The following MTHFD1L variants were observed in gnomAD, a reference collection of about 807,000 sequenced individuals.
The protein encoded by MTHFD1L is methylenetetrahydrofolate dehydrogenase (NADP+ dependent) 1 like.
A neutral mutation model predicts 119.5 loss-of-function variants in MTHFD1L; 81 were observed. The ratio of observed to expected loss-of-function variants is 0.68; its 90% CI spans 0.57 to 0.82. MTHFD1L has a LOEUF of 0.82. Ranked by LOEUF, MTHFD1L falls within the 40% of genes least tolerant of loss-of-function variation. The probability of loss-of-function intolerance (pLI) is 0.00; values close to 1 mark genes in which losing one functional copy is unlikely to be tolerated. For synonymous variants in MTHFD1L, 430 were observed against 475.2 expected (o/e 0.90, Z 1.24); for missense variants, 1,125 against 1,253.4 (o/e 0.90, Z 1.55).
intron 7 of MTHFD1L, among the ~76,000 whole-genome samples, chr6:150,896,010 G>A (rs891711290): frequency 5.9e-5 from 9 of 152,146 alleles, no homozygotes; most frequent in African/African-American, 2.2e-4. Context: ...AGGCAGGACT[G>A]TCATCCTCCC....
intron 26 of MTHFD1L, among the ~76,000 whole-genome samples, chr6:151,041,622 C>T (rs1353953482): frequency 2.6e-5 from 4 of 152,230 alleles, no homozygotes; most frequent in African/African-American, 4.8e-5. Context: ...TAAATGCCTA[C>T]AGCACGCAGG....
intron 15 of MTHFD1L, among the ~76,000 whole-genome samples, chr6:150,948,494 A>G (rs1250968340): frequency 6.9e-6 from 1 of 144,716 alleles, no homozygotes; most frequent in Admixed American, 6.9e-5. Flanking sequence ...TAATTTTTTT[A>G]TGTATTTTTA....
At chr6:150,978,615 G>A (rs770970027) in intron 20 of MTHFD1L, among the ~76,000 whole-genome samples, 12 of 152,160 alleles carry the variant, frequency 7.9e-5, no homozygotes, top group Admixed American at 5.2e-4. Flanking sequence ...AATTGAATGG[G>A]ATTGGGAAAC....
chr6:150,981,325 A>T (rs548462156), intron 20 of MTHFD1L, among the ~76,000 whole-genome samples: 21 of 152,306 alleles, frequency 1.4e-4, no homozygotes, highest in African/African-American at 4.8e-4. Flanking sequence ...ACTATTGTTG[A>T]AGCAGTGAAA....
intron 16 of MTHFD1L, among the ~76,000 whole-genome samples, chr6:150,949,859 A>G (rs547278983): frequency 5.9e-5 from 9 of 152,256 alleles, no homozygotes; most frequent in East Asian, 1.9e-4. Context: ...GGTCGCATGC[A>G]TGTTCTTGGC....
chr6:150,927,637 A>T (rs1161241634), intron 11 of MTHFD1L, among the ~76,000 whole-genome samples: 2 of 151,890 alleles, frequency 1.3e-5, no homozygotes, highest in African/African-American at 4.8e-5. Context: ...TTGTATTTTT[A>T]GTCGAGATGG....
intron 17 of MTHFD1L, 79 bp from the exon 18 acceptor site, chr6:150,960,196 G>C (rs981407828): frequency 8.6e-5 from 130 of 1,511,908 alleles, no homozygotes; most frequent in Non-Finnish European, 1.1e-4. Flanking sequence ...TTGCTTCATG[G>C]CTGAAGTCCA....
At chr6:150,866,188 G>C in intron 1 of MTHFD1L, 139 bp downstream of exon 1, 2 of 1,361,092 alleles carry the variant, frequency 1.5e-6, no homozygotes, top group South Asian at 3.0e-5. Context: ...GGGCCGGGCG[G>C]TGTGTCGGGA....
Position 150,874,831 on chromosome 6 carries a change from C to T in MTHFD1L, c.228-1259C>T, listed in dbSNP as rs578212343. The stretch of plus-strand genomic sequence containing the variant: ...AGGCTGGAGTGCGGTGGCACAATCT[C>T]GGCTCACTGCAACCTCTGCCTCCCA... On this transcript the variant is annotated intron_variant, in intron 1 of 27. Coordinates refer to ENST00000367321, the MANE Select transcript of MTHFD1L (RefSeq NM_015440.5). 3.0e-4 allele frequency among the ~76,000 whole-genome samples: 45 copies of T among 149,232 alleles called. 2 individuals are homozygous for T. The East Asian group carries it at 9.1e-3, about 30-fold the overall frequency.
intron 24 of MTHFD1L, among the ~76,000 whole-genome samples, chr6:151,029,496 G>T (rs1015328675): frequency 1.4e-5 from 2 of 147,076 alleles, no homozygotes; most frequent in Non-Finnish European, 3.0e-5. Context: ...ACATTTTCGT[G>T]TTTAAAAATA....
chr6:150,916,463 G>GC (rs530769142), intron 8 of MTHFD1L, among the ~76,000 whole-genome samples: 1,413 of 82,060 alleles, frequency 0.017, 21 homozygotes, highest in Non-Finnish European at 0.023. Context: ...ACCACGCCCA[G>GC]CTAATTTTTT....
intron 20 of MTHFD1L, among the ~76,000 whole-genome samples, chr6:150,997,526 C>T (rs553998012): frequency 6.6e-6 from 1 of 152,256 alleles, no homozygotes; most frequent in South Asian, 2.1e-4. Flanking sequence ...CGGTGTCTCA[C>T]ACCTGTAATC....
chr6:150,890,869 A>G (rs933829145), intron 7 of MTHFD1L, among the ~76,000 whole-genome samples: 1 of 152,238 alleles, frequency 6.6e-6, no homozygotes, highest in African/African-American at 2.4e-5. Flanking sequence ...GAAAGGATAA[A>G]TCAGTATAGT....
At chr6:151,022,056 G>T (rs1485846473) in intron 24 of MTHFD1L, 6 of 471,156 alleles carry the variant, frequency 1.3e-5, no homozygotes, top group Non-Finnish European at 2.6e-5. Context: ...GTGGGGGCTG[G>T]ATGAAGGAAG....
intron 24 of MTHFD1L, among the ~76,000 whole-genome samples, chr6:151,029,101 C>T (rs1258490254): frequency 2.0e-5 from 3 of 152,030 alleles, no homozygotes; most frequent in Middle Eastern, 3.4e-3. Context: ...GTTATGTGTA[C>T]GTTACCAAAA....
intron 10 of MTHFD1L, among the ~76,000 whole-genome samples, chr6:150,923,313 G>A (rs913405001): frequency 4.6e-5 from 7 of 151,956 alleles, no homozygotes. Context: ...GATTGGGTAG[G>A]GATGATGTCT....
intron 26 of MTHFD1L, among the ~76,000 whole-genome samples, chr6:151,073,195 G>A (rs2128621262): frequency 6.6e-6 from 1 of 152,336 alleles, no homozygotes; most frequent in South Asian, 2.1e-4. Context: ...GGAGAGGAGA[G>A]AACTGCATAG....
chr6:150,886,361 A>G (rs1266720139), intron 6 of MTHFD1L, among the ~76,000 whole-genome samples: 1 of 150,390 alleles, frequency 6.6e-6, no homozygotes, highest in East Asian at 2.0e-4. Flanking sequence ...GCTTGAGCCC[A>G]GGAGTTTGAG....
chr6:150,903,904 C>T (rs1371318446), intron 7 of MTHFD1L, among the ~76,000 whole-genome samples: 1 of 152,270 alleles, frequency 6.6e-6, no homozygotes, highest in Non-Finnish European at 1.5e-5. Context: ...CAAATATTTC[C>T]AAGGTATTAG....
Sources: allele counts gnomAD v4.1 joint callset (sites outside exome capture counted in the v4.1 genomes callset), GRCh38; gene constraint gnomAD v4.1.1; transcripts MANE v1.5; gene names NCBI Gene and HGNC (gene_info 2026-07-23, HGNC 2026-07-21).